DDC: variants seen among roughly 807,000 people sequenced by gnomAD.
DDC encodes dopa decarboxylase.
In DDC, 43 loss-of-function variants were observed where a neutral mutation model predicts 60.0. The ratio of observed to expected loss-of-function variants is 0.72; its 90% CI spans 0.56 to 0.92. DDC has a LOEUF of 0.92. Among genes scored for constraint, DDC ranks in the 40% least tolerant of loss-of-function variants. The pLI is 0.00. For missense variants in DDC, 573 were observed against 620.2 expected (o/e 0.92, Z 0.81); for synonymous variants, 232 against 234.6 (o/e 0.99, Z 0.10).
chr7:50,507,983 C>G (rs1010820520), intron 6 of DDC, among the ~76,000 whole-genome samples: 1 of 152,220 alleles, frequency 6.6e-6, no homozygotes, highest in African/African-American at 2.4e-5. Flanking sequence ...CCAAATGTGA[C>G]CCCAGGCTTG....
At chr7:50,533,848 G>A (rs2044299369) in intron 4 of DDC, among the ~76,000 whole-genome samples, 2 of 152,102 alleles carry the variant, frequency 1.3e-5, no homozygotes. Context: ...CAAAATGAGG[G>A]GAACAGTCTG....
chr7:50,525,343 C>T (rs1010270041), intron 6 of DDC, among the ~76,000 whole-genome samples: 1 of 152,190 alleles, frequency 6.6e-6, no homozygotes, highest in African/African-American at 2.4e-5. Context: ...CAGTGTCAGT[C>T]TCCTGTCTTT....
chr7:50,528,392 G>A, intron 5 of DDC, 112 bp from the exon 6 acceptor site: 1 of 1,323,784 alleles, frequency 7.6e-7, no homozygotes, highest in Non-Finnish European at 1.1e-6. Flanking sequence ...CCCTCTTAAC[G>A]GCACAGGAGG....
chr7:50,559,535 C>T (rs2045289886), intron 1 of DDC, among the ~76,000 whole-genome samples: 1 of 151,458 alleles, frequency 6.6e-6, no homozygotes, highest in Non-Finnish European at 1.5e-5. Context: ...TCAAGCAATT[C>T]TCCTGCTTCA....
rs1336467849 is a variant in DDC at position 50,539,938 on chromosome 7, T to C, written c.292A>G (p.Ile98Val). 2 of 1,613,868 alleles carry C rather than the reference T, an allele frequency of 1.2e-6. No homozygotes were observed. Among genetic ancestry groups the C allele is most frequent in the East Asian group, 2.2e-5 (1 of 44,844 alleles). Residue 98 changes from isoleucine to valine, a missense_variant, in exon 3 of 15, where the codon ATT (isoleucine) becomes GTT (valine). Transcript: ENST00000444124. The part of the protein sequence containing the change: ...AMLADMLCGA[I>V]GCIGFSWAAS... ...ACCCAGGAGAAGCCGATGCAGCCAA[T>C]GGCCCCGCACAGCATGTCCGCAAGC...
intron 6 of DDC, among the ~76,000 whole-genome samples, chr7:50,523,957 C>T (rs1353335906): frequency 1.3e-5 from 2 of 152,074 alleles, no homozygotes; most frequent in African/African-American, 4.8e-5. Flanking sequence ...TGAATTGTGG[C>T]GTGTTCATAT....
chr7:50,501,720 G>A (rs2043261580), intron 7 of DDC, among the ~76,000 whole-genome samples: 7 of 152,284 alleles, frequency 4.6e-5, no homozygotes, highest in Admixed American at 6.5e-5. Context: ...GTAGGTAAAA[G>A]GGTGCTGACT....
chr7:50,564,207 A>T (rs1210479499), intron 1 of DDC: 2 of 152,214 alleles, frequency 1.3e-5, no homozygotes, highest in Non-Finnish European at 2.9e-5. Context: ...TCCAGGGTAG[A>T]GTTCTATAGG....
At position 50,543,853 on chromosome 7, in the gene DDC, CTCCTGTTTTCTGACCTTGGATACACACT is replaced by C; in HGVS notation, c.201+4_201+31del. 6.2e-7 allele frequency: 1 copy of C among 1,603,248 alleles called. No individual in the cohort carries two copies. Among genetic ancestry groups the C allele is most frequent in the Non-Finnish European group, 8.5e-7 (1 of 1,170,438 alleles). ...AGTAGGTGCTATGTGAGTTCTAGCC[CTCCTGTTTTCTGACCTTGGATACACACT>C]TACCCCAGGCATGATTATCTTCTCA... On this transcript the variant is annotated splice_donor_5th_base_variant and intron_variant, in intron 2 of 14. Transcript: ENST00000444124.
intron 14 of DDC, 112 bp from the exon 15 acceptor site, chr7:50,458,955 C>G (rs575631412): frequency 6.6e-6 from 1 of 151,800 alleles, no homozygotes; most frequent in East Asian, 1.9e-4. Context: ...CCCTCTCCCT[C>G]TCCCCACGGT....
chr7:50,494,352 A>G (rs1392725039), intron 9 of DDC, among the ~76,000 whole-genome samples: 1 of 152,086 alleles, frequency 6.6e-6, no homozygotes, highest in African/African-American at 2.4e-5. Flanking sequence ...CTAAAAATAC[A>G]AAAAATTAGC....
intron 6 of DDC, among the ~76,000 whole-genome samples, chr7:50,517,823 G>A (rs1415460055): frequency 4.2e-4 from 37 of 87,646 alleles, no homozygotes; most frequent in African/African-American, 1.6e-3. Flanking sequence ...TTTTATAATA[G>A]CTAAAAAAAA....
chr7:50,468,379 A>C (rs1424325284), intron 12 of DDC, among the ~76,000 whole-genome samples: 1 of 152,184 alleles, frequency 6.6e-6, no homozygotes, highest in Non-Finnish European at 1.5e-5. Flanking sequence ...GTTGTCCTTG[A>C]GCTTAAAGAC....
At chr7:50,535,314 T>C (rs1209772749) in intron 4 of DDC, among the ~76,000 whole-genome samples, 4 of 152,046 alleles carry the variant, frequency 2.6e-5, no homozygotes, top group African/African-American at 9.7e-5. Context: ...ACCTGGATAA[T>C]TTTTGTATTT....
At chr7:50,487,536 G>GT (rs2042912103) in intron 9 of DDC, among the ~76,000 whole-genome samples, 1 of 152,044 alleles carries the variant, frequency 6.6e-6, no homozygotes. Context: ...TGATGAGTCT[G>GT]TATTGATATA....
At position 50,544,033 on chromosome 7, in the gene DDC, G is replaced by A. The variant is rs1179044502; in HGVS notation, c.53C>T (p.Ala18Val). 1.2e-6 allele frequency: 2 copies of A among 1,614,024 alleles called. No homozygotes were observed. The highest frequency in any genetic ancestry group is 1.7e-6 in the Non-Finnish European group (2 of 1,180,016). The change falls in exon 2 of 15, where the codon GCC becomes GTC. Residue 18 changes from alanine (A) to valine (V), a missense_variant. Physicochemically the swap from Ala to Val is moderately conservative, Grantham distance 64. Transcript: ENST00000444124. The stretch of plus-strand genomic sequence containing the variant: ...TCCCTCAATGCCTTCCATGTAGTTG[G>A]CCATGTAATCCACCATCTCCTTCCC... ...RRGKEMVDYM[A>V]NYMEGIEGRQ...
At chr7:50,560,836 G>A (rs2045328202) in intron 1 of DDC, among the ~76,000 whole-genome samples, 1 of 152,142 alleles carries the variant, frequency 6.6e-6, no homozygotes, top group African/African-American at 2.4e-5. Flanking sequence ...TGTAAACCCT[G>A]TGTCACCTGC....
chr7:50,460,998 A>AT (rs1050281516), intron 14 of DDC, among the ~76,000 whole-genome samples: 2 of 151,540 alleles, frequency 1.3e-5, no homozygotes, highest in Admixed American at 1.3e-4. Context: ...CTATTGTCCT[A>AT]TGACCCTGCC....
At chr7:50,476,257 T>A (rs745043) in intron 11 of DDC, among the ~76,000 whole-genome samples, 5 of 152,034 alleles carry the variant, frequency 3.3e-5, no homozygotes, top group African/African-American at 1.2e-4. Flanking sequence ...GGGAGCTTTT[T>A]CTGTTCCCTG....
Sources: gnomAD v4.1 joint callset for allele counts (sites outside exome capture counted in the v4.1 genomes callset) on GRCh38, gnomAD v4.1.1 for gene constraint, MANE v1.5 for transcripts, NCBI Gene and HGNC (gene_info 2026-07-23, HGNC 2026-07-21) for gene names.